The following GALNT13 variants were observed in gnomAD, a reference collection of about 807,000 sequenced individuals.
The protein encoded by GALNT13 is polypeptide N-acetylgalactosaminyltransferase 13.
A neutral mutation model predicts 64.2 loss-of-function variants in GALNT13; 28 were observed. The ratio of observed to expected loss-of-function variants is 0.44; its 90% CI spans 0.32 to 0.60. The LOEUF is 0.60. Ranked by LOEUF, GALNT13 falls within the 20% of genes least tolerant of loss-of-function variation. The pLI, the probability that GALNT13 is intolerant of heterozygous loss-of-function variation, is 0.05. For missense variants in GALNT13, 577 were observed against 669.8 expected (o/e 0.86, Z 1.53); for synonymous variants, 214 against 224.6 (o/e 0.95, Z 0.42).
the GALNT13 span, among the ~76,000 whole-genome samples, chr2:153,265,172 AC>A: frequency 7.9e-5 from 12 of 152,112 alleles, no homozygotes; most frequent in Middle Eastern, 3.4e-3. Flanking sequence ...TCCCTTGGCA[AC>A]CCCAGCTGAT....
At chr2:153,206,440 A>G in the GALNT13 span, among the ~76,000 whole-genome samples, 1 of 152,080 alleles carries the variant, frequency 6.6e-6, no homozygotes, top group East Asian at 1.9e-4. Context: ...TGGATATATT[A>G]TAATTGTACA....
the GALNT13 span, among the ~76,000 whole-genome samples, chr2:153,821,207 A>G: frequency 3.7e-4 from 56 of 152,122 alleles, 1 homozygote; most frequent in Non-Finnish European, 6.6e-4. Flanking sequence ...CTAACAAGAA[A>G]TTCTGGACTT....
chr2:154,395,857 T>C, intron 9 of GALNT13, 134 bp from the exon 10 acceptor site: 2 of 630,632 alleles, frequency 3.2e-6, no homozygotes, highest in Non-Finnish European at 5.0e-6. Context: ...AAAAATCCAG[T>C]GGAGTAGCAG....
the GALNT13 span, among the ~76,000 whole-genome samples, chr2:153,364,692 CT>C: frequency 6.6e-6 from 1 of 152,022 alleles, no homozygotes; most frequent in Non-Finnish European, 1.5e-5. Flanking sequence ...CATGAAGGAC[CT>C]CTTCAAAGAG....
At chr2:153,335,497 TA>T in the GALNT13 span, among the ~76,000 whole-genome samples, 1 of 152,208 alleles carries the variant, frequency 6.6e-6, no homozygotes, top group Admixed American at 6.5e-5. Context: ...TGTTATGTTT[TA>T]GCAAAGAGAC....
chr2:153,539,292 G>C, the GALNT13 span, among the ~76,000 whole-genome samples: 1 of 151,974 alleles, frequency 6.6e-6, no homozygotes, highest in Non-Finnish European at 1.5e-5. Context: ...CTGGACATTA[G>C]CCCTTTGTCA....
chr2:153,120,742 A>C, the GALNT13 span, among the ~76,000 whole-genome samples: 1 of 152,130 alleles, frequency 6.6e-6, no homozygotes, highest in African/African-American at 2.4e-5. Context: ...AGAAGCTTGG[A>C]GTTAGAGCCA....
chr2:153,418,635 A>G, the GALNT13 span, among the ~76,000 whole-genome samples: 1 of 152,196 alleles, frequency 6.6e-6, no homozygotes, highest in Admixed American at 6.5e-5. Context: ...GTCACGGATG[A>G]CCTTGACAGG....
At chr2:153,191,561 T>C in the GALNT13 span, among the ~76,000 whole-genome samples, 1 of 152,092 alleles carries the variant, frequency 6.6e-6, no homozygotes, top group Non-Finnish European at 1.5e-5. Flanking sequence ...GTTTTGGTAG[T>C]AGGTTAATGC....
At chr2:153,122,954 G>A in the GALNT13 span, among the ~76,000 whole-genome samples, 1 of 152,098 alleles carries the variant, frequency 6.6e-6, no homozygotes, top group Admixed American at 6.6e-5. Context: ...AATGACTGGT[G>A]TTCTTCTAAG....
At chr2:153,363,586 A>G in the GALNT13 span, among the ~76,000 whole-genome samples, 1 of 152,232 alleles carries the variant, frequency 6.6e-6, no homozygotes, top group Non-Finnish European at 1.5e-5. Context: ...AGACACTACC[A>G]TCAGAGAATA....
intron 4 of GALNT13, among the ~76,000 whole-genome samples, chr2:154,179,073 G>T (rs1685814677): frequency 6.6e-6 from 1 of 151,970 alleles, no homozygotes; most frequent in Admixed American, 6.6e-5. Flanking sequence ...TGCCACATCT[G>T]CCCAATAAAC....
intron 11 of GALNT13, chr2:154,437,952 A>T (rs115308172): frequency 0.02 from 4,027 of 200,274 alleles, 66 homozygotes; most frequent in Middle Eastern, 0.031. Flanking sequence ...TTATAGTTCA[A>T]TTGAATTATC....
At chr2:153,484,422 G>T in the GALNT13 span, among the ~76,000 whole-genome samples, 2 of 151,998 alleles carry the variant, frequency 1.3e-5, no homozygotes, top group African/African-American at 2.4e-5. Flanking sequence ...TATGCACAAA[G>T]AACATTTTTC....
At chr2:153,876,395 A>G (rs530704373) in intron 1 of GALNT13, among the ~76,000 whole-genome samples, 273 of 152,314 alleles carry the variant, frequency 1.8e-3, no homozygotes, top group Non-Finnish European at 3.0e-3. Context: ...ATTCAAATAT[A>G]TGCATACCTG....
chr2:154,098,013 C>T (rs776267999), intron 3 of GALNT13, among the ~76,000 whole-genome samples: 9 of 151,678 alleles, frequency 5.9e-5, no homozygotes, highest in Non-Finnish European at 1.3e-4. Context: ...CGTGACCAAA[C>T]TCTGGAGTCT....
At chr2:154,069,964 G>T (rs920500505) in intron 3 of GALNT13, among the ~76,000 whole-genome samples, 4 of 152,040 alleles carry the variant, frequency 2.6e-5, no homozygotes, top group African/African-American at 9.7e-5. Flanking sequence ...TACTGAGAAA[G>T]TTTTATTAGA....
chr2:153,948,708 C>T (rs867695964), intron 3 of GALNT13, among the ~76,000 whole-genome samples: 9 of 152,014 alleles, frequency 5.9e-5, no homozygotes, highest in Admixed American at 3.9e-4. Context: ...TTTGCAGGGA[C>T]GTGGATGGAG....
At chr2:153,183,541 G>T in the GALNT13 span, among the ~76,000 whole-genome samples, 1 of 152,076 alleles carries the variant, frequency 6.6e-6, no homozygotes, top group South Asian at 2.1e-4. Flanking sequence ...TGAAATCTTT[G>T]CCTGTGCCTA....
Sources: gnomAD v4.1 joint callset for allele counts (sites outside exome capture counted in the v4.1 genomes callset) on GRCh38, gnomAD v4.1.1 for gene constraint, MANE v1.5 for transcripts, NCBI Gene and HGNC (gene_info 2026-07-23, HGNC 2026-07-21) for gene names.